The following UNC79 variants were observed in gnomAD, a reference collection of about 807,000 sequenced individuals.
The protein encoded by UNC79 is protein unc-79 homolog.
UNC79 carries 37 observed loss-of-function variants against 283.1 expected under a neutral mutation model. The ratio of observed to expected loss-of-function variants is 0.13; its 90% CI spans 0.10 to 0.17. The LOEUF (loss-of-function observed/expected upper bound fraction) is 0.17. UNC79 is among the 10% of genes least tolerant of loss of function. UNC79 has a pLI of 1.00. For synonymous variants in UNC79, 1,107 were observed against 1,200.2 expected, an observed-to-expected ratio of 0.92 and a Z score of 1.61; for missense variants, 2,272 against 3,211.1, an observed-to-expected ratio of 0.71 and a Z score of 7.07.
At chr14:93,682,451 A>G (rs887628157) in intron 41 of UNC79, among the ~76,000 whole-genome samples, 166 bp from the exon 45 acceptor site, 1 of 152,132 alleles carries the variant, frequency 6.6e-6, no homozygotes, top group African/African-American at 2.4e-5. Context: ...TGTGATTCTG[A>G]GTTTCTGATA....
intron 35 of UNC79, 114 bp downstream of exon 38, chr14:93,646,760 A>C: frequency 5.9e-6 from 7 of 1,178,744 alleles, no homozygotes; most frequent in Non-Finnish European, 8.5e-6. Flanking sequence ...CTGTAATCTC[A>C]GCACTTTGGG....
intron 1 of UNC79, among the ~76,000 whole-genome samples, chr14:93,404,493 A>AATATATATATATATATATATAT (rs1445930733): frequency 8.1e-5 from 5 of 61,442 alleles, no homozygotes; most frequent in African/African-American, 2.7e-4. Flanking sequence ...TTCTAAAAAA[A>AATATATATATATATATATATAT]ATATATATAT....
intron 32 of UNC79, among the ~76,000 whole-genome samples, chr14:93,637,738 A>C (rs1461173778): frequency 6.6e-6 from 1 of 152,182 alleles, no homozygotes; most frequent in African/African-American, 2.4e-5. Context: ...GATTATAGGC[A>C]TGAGCCACCA....
chr14:93,659,373 C>G, intron 39 of UNC79, 112 bp downstream of exon 42: 1 of 792,970 alleles, frequency 1.3e-6, no homozygotes, highest in Non-Finnish European at 1.9e-6. Flanking sequence ...GAATGCTTCC[C>G]TTTCAGCCTC....
exon 30 of UNC79, chr14:93,622,214 G>A (rs188003377): frequency 1.9e-6 from 3 of 1,614,060 alleles, no homozygotes; most frequent in East Asian, 4.5e-5. Context: ...CGGCCCCTCC[G>A]GTAAAAATGC....
In UNC79 at chr14:93,580,307, T is replaced by C. The variant is rs777826242; in HGVS notation, c.2592T>C (p.Ser864=). Residue 864 remains serine, a synonymous_variant, in exon 19 of 49, where the codon AGT becomes AGC. Transcript: ENST00000555664. ...TCGAGTGCAACTTATGTCAGTCTAG[T>C]ATCCTCTGCTATCAGCTTGCTTGTG... 4 of 1,614,256 alleles carry C rather than the reference T, an allele frequency of 2.5e-6. No individual in the cohort carries two copies. In the South Asian group the frequency reaches 4.4e-5, roughly 18 times the overall value.
chr14:93,456,550 C>T (rs1378347940), intron 1 of UNC79, among the ~76,000 whole-genome samples: 2 of 152,022 alleles, frequency 1.3e-5, no homozygotes, highest in Non-Finnish European at 2.9e-5. Context: ...AGAATAGGGC[C>T]AATGTTAGCT....
intron 28 of UNC79, 57 bp from the exon 30 acceptor site, chr14:93,618,135 A>C: frequency 2.6e-6 from 4 of 1,544,754 alleles, no homozygotes; most frequent in Non-Finnish European, 3.5e-6. Context: ...GATCAGGTGG[A>C]AAAGCTTACC....
chr14:93,420,206 G>A (rs933848888), intron 1 of UNC79, among the ~76,000 whole-genome samples: 1 of 148,786 alleles, frequency 6.7e-6, no homozygotes, highest in Admixed American at 6.7e-5. Context: ...CCAATGATCT[G>A]TTGTCTACAA....
At chr14:93,431,248 C>T (rs796251788) in intron 1 of UNC79, among the ~76,000 whole-genome samples, 197 bp downstream of exon 1, 19 of 151,584 alleles carry the variant, frequency 1.3e-4, no homozygotes, top group African/African-American at 4.6e-4. Context: ...GTCCCCGGTG[C>T]TGAAAAATAA....
chr14:93,493,436 T>C (rs2058834593), intron 5 of UNC79, among the ~76,000 whole-genome samples: 1 of 152,162 alleles, frequency 6.6e-6, no homozygotes, highest in Non-Finnish European at 1.5e-5. Context: ...TCACCCCTGC[T>C]GCAGTTGAGA....
chr14:93,348,872 A>C (rs1245162510), intron 1 of UNC79, among the ~76,000 whole-genome samples: 1 of 152,260 alleles, frequency 6.6e-6, no homozygotes, highest in African/African-American at 2.4e-5. Flanking sequence ...AAGAAAGATA[A>C]AGTACCTCTC....
chr14:93,574,456 G>A (rs774233753), intron 16 of UNC79, among the ~76,000 whole-genome samples: 1 of 152,152 alleles, frequency 6.6e-6, no homozygotes, highest in African/African-American at 2.4e-5. Flanking sequence ...TCCTTTCTGC[G>A]TACTTCCTTT....
At chr14:93,516,778 G>A (rs1317844415) in intron 7 of UNC79, among the ~76,000 whole-genome samples, 2 of 151,878 alleles carry the variant, frequency 1.3e-5, no homozygotes, top group African/African-American at 4.8e-5. Flanking sequence ...AGATTACATT[G>A]ACTATATAGT....
intron 4 of UNC79, among the ~76,000 whole-genome samples, chr14:93,482,984 G>C (rs2058216848): frequency 6.6e-6 from 1 of 152,044 alleles, no homozygotes. Flanking sequence ...ACATCTCCTT[G>C]TCTTCACTCT....
chr14:93,333,765 TG>T (rs765893767), intron 1 of UNC79, among the ~76,000 whole-genome samples: 3 of 152,218 alleles, frequency 2.0e-5, no homozygotes, highest in Admixed American at 6.5e-5. Context: ...ACTGTATTTA[TG>T]GGGCACTGTC....
At chr14:93,435,262 G>A (rs1038216497) in intron 1 of UNC79, among the ~76,000 whole-genome samples, 1 of 152,170 alleles carries the variant, frequency 6.6e-6, no homozygotes, top group Non-Finnish European at 1.5e-5. Context: ...GTTGCAAAAA[G>A]AAGAATAGCT....
chr14:93,528,477 A>G (rs1048649885), intron 8 of UNC79, 81 bp from the exon 9 acceptor site: 46 of 1,294,308 alleles, frequency 3.6e-5, no homozygotes, highest in Non-Finnish European at 4.7e-5. Flanking sequence ...ATCTGTCATT[A>G]TTGAAGCATT....
intron 7 of UNC79, among the ~76,000 whole-genome samples, chr14:93,510,928 C>G (rs2059791748): frequency 6.6e-6 from 1 of 152,170 alleles, no homozygotes; most frequent in African/African-American, 2.4e-5. Flanking sequence ...TGTTCACACA[C>G]TGCTATAAAG....
Sources: gnomAD v4.1 joint callset for allele counts (sites outside exome capture counted in the v4.1 genomes callset) on GRCh38, gnomAD v4.1.1 for gene constraint, MANE v1.5 for transcripts, NCBI Gene and HGNC (gene_info 2026-07-23, HGNC 2026-07-21) for gene names.